The following GSPT2 variants were observed in gnomAD, a reference collection of about 807,000 sequenced individuals.
The protein encoded by GSPT2 is eukaryotic peptide chain release factor GTP-binding subunit ERF3B.
Under a neutral mutation model 24.6 loss-of-function variants are expected in GSPT2, and 2 were observed. The observed-to-expected ratio is 0.08, with a 90% confidence interval of 0.03 to 0.26. GSPT2 has a LOEUF of 0.26. Among genes scored for constraint, GSPT2 ranks in the 10% least tolerant of loss-of-function variants. The pLI is 1.00. For missense variants in GSPT2, 322 were observed against 489.6 expected (o/e 0.66, Z 3.23); for synonymous variants, 194 against 189.3 (o/e 1.02, Z -0.20).
At position 51,744,020 on chromosome X, in the gene GSPT2, C is replaced by A. The variant is rs782126539; in HGVS notation, c.394C>A (p.Leu132Ile). 3 of 1,208,502 alleles carry A rather than the reference C, an allele frequency of 2.5e-6. No homozygotes were observed. The highest frequency in any genetic ancestry group is 3.4e-6 in the Non-Finnish European group (3 of 894,530). ...EGSNSAVTME[L>I]SEPVVENGEV... ...TTCCAATTCAGCCGTTACCATGGAA[C>A]TTTCAGAACCTGTTGTAGAAAATGG... The change falls in exon 1 of 1, where the codon CTT becomes ATT. Residue 132 changes from leucine (L) to isoleucine (I), a missense_variant. By Grantham distance (5) the Leu-to-Ile change is conservative (BLOSUM62 2). This residue lies in a region of GSPT2 where 125 missense variants were observed against 121.3 expected (regional missense o/e 1.03). Transcript: ENST00000340438.
Position 51,743,705 on chromosome X carries a change from C to T in GSPT2, c.79C>T (p.Pro27Ser). 1 of 1,209,906 alleles carries T rather than the reference C, an allele frequency of 8.3e-7. No individual in the cohort carries two copies. Among genetic ancestry groups the T allele is most frequent in the Non-Finnish European group, 1.1e-6 (1 of 894,282 alleles). ...QVDMESPGSAPSGDGVSSAVA... is the reference protein window; with the variant it reads ...QVDMESPGSASSGDGVSSAVA... ...GGACATGGAATCCCCGGGGTCGGCC[C>T]CGAGCGGGGATGGAGTCTCCTCTGC... The change falls in exon 1 of 1, where the codon CCG (proline) becomes TCG (serine). Residue 27 changes from proline to serine, a missense_variant. Pro to Ser is a moderately conservative substitution (Grantham distance 74, BLOSUM62 -1). Transcript: ENST00000340438.
Position 51,744,125 on chromosome X carries a change from G to C in GSPT2, c.499G>C (p.Gly167Arg). ...SEAEPGGGSS[G>R]DSGPPEESGQ... ...AGCCGAGCCTGGGGGTGGTTCCTCG[G>C]GAGATTCAGGGCCCCCAGAAGAAAG... The change falls in exon 1 of 1, where the codon GGA becomes CGA. Residue 167 changes from glycine (G) to arginine (R), a missense_variant. By Grantham distance (125) the Gly-to-Arg change is moderately radical (BLOSUM62 -2). Around this residue, in one of 4 missense-constraint regions of GSPT2, gnomAD observed 72 missense variants for 121.5 expected, o/e 0.59. Coordinates refer to ENST00000340438, the MANE Select transcript of GSPT2 (RefSeq NM_018094.5). The C allele has an allele frequency of 8.3e-7, 1 of 1,209,704 alleles. No homozygotes were observed. The highest frequency in any genetic ancestry group is 1.1e-6 in the Non-Finnish European group (1 of 894,398).
Position 51,745,536 on chromosome X carries a change from A to C in GSPT2, c.*23A>C, listed in dbSNP as rs782241262. On this transcript the variant is annotated 3_prime_UTR_variant, in exon 1 of 1. Coordinates refer to ENST00000340438, the MANE Select transcript of GSPT2 (RefSeq NM_018094.5). ...TAAGCAATTTTCTTGATGCCTCTGC[A>C]AGATACTGTGAGGAGAATTGACAGC... 15 of 999,832 alleles carry C rather than the reference A, an allele frequency of 1.5e-5. No individual in the cohort carries two copies. The highest frequency in any genetic ancestry group is 2.1e-5 in the Non-Finnish European group (15 of 710,996). 82.4% of individuals were successfully genotyped at this position (999,832 alleles called of 1,213,427 possible). A position where few individuals can be genotyped will look rare whatever the true frequency, so the allele number is the denominator to read the frequency against.
rs868931621 is a variant in GSPT2 at position 51,743,835 on chromosome X, C to G, written c.209C>G (p.Pro70Arg). ...VPNVHAAEFVPSFLRGPTQPP... is the reference protein window; with the variant it reads ...VPNVHAAEFVRSFLRGPTQPP... ...AACGTACACGCCGCGGAGTTCGTGC[C>G]GTCCTTCCTGCGGGGCCCGACTCAG... Residue 70 changes from proline to arginine, a missense_variant, in exon 1 of 1, where the codon CCG becomes CGG. By Grantham distance (103) the Pro-to-Arg change is moderately radical. Around this residue, in one of 4 missense-constraint regions of GSPT2, gnomAD observed 125 missense variants for 121.3 expected, o/e 1.03. Coordinates refer to ENST00000340438, the MANE Select transcript of GSPT2 (RefSeq NM_018094.5). The G allele has an allele frequency of 8.3e-6, 10 of 1,209,958 alleles. No individual in the cohort carries two copies. The highest frequency in any genetic ancestry group is 2.3e-4 in the Middle Eastern group (1 of 4,353).
chrX:51,744,236 G>A lies in GSPT2; in HGVS notation c.610G>A (p.Val204Ile), dbSNP rs781925454. The change falls in exon 1 of 1, where the codon GTA becomes ATA. Residue 204 changes from valine (V) to isoleucine (I), a missense_variant. Physicochemically the swap from Val to Ile is conservative, Grantham distance 29. Around this residue, in one of 4 missense-constraint regions of GSPT2, gnomAD observed 72 missense variants for 121.5 expected, o/e 0.59. Transcript: ENST00000340438. ...CTCAGGTGCACCTAAGAAAGAACAC[G>A]TAAATGTAGTATTCATTGGCCATGT... ...VPSGAPKKEH[V>I]NVVFIGHVDA... 9.9e-6 allele frequency: 12 copies of A among 1,209,453 alleles called. No individual in the cohort carries two copies. Among genetic ancestry groups the A allele is most frequent in the Non-Finnish European group, 1.3e-5 (12 of 893,734 alleles).
Position 51,743,536 on chromosome X carries a change from T to G in GSPT2, c.-91T>G, listed in dbSNP as rs1923933478. ...GTTCGTGTCGCTACCCCTTGGCCCT[T>G]CGCTCTTGCTGCCTTAACCCCGCCG... On this transcript the variant is annotated 5_prime_UTR_variant, in exon 1 of 1. Transcript: ENST00000340438. The G allele has an allele frequency of 2.5e-6, 2 of 816,098 alleles. No homozygotes were observed. The highest frequency in any genetic ancestry group is 4.1e-5 in the African/African-American group (2 of 48,288). 67.3% of individuals were successfully genotyped at this position (816,098 alleles called of 1,213,427 possible). A position where few individuals can be genotyped will look rare whatever the true frequency, so the allele number is the denominator to read the frequency against.
In GSPT2 at chrX:51,745,262, C is replaced by T; in HGVS notation, c.1636C>T (p.His546Tyr). ...CPGYNAVLHI[H>Y]TCIEEVEITA... ...AGGTTATAATGCGGTGCTGCACATT[C>T]ATACTTGTATTGAGGAAGTTGAGAT... The change falls in exon 1 of 1, where the codon CAT (histidine) becomes TAT (tyrosine). Residue 546 changes from histidine (H) to tyrosine (Y), a missense_variant. Around this residue, in one of 4 missense-constraint regions of GSPT2, gnomAD observed 117 missense variants for 204.1 expected, o/e 0.57. Coordinates refer to ENST00000340438, the MANE Select transcript of GSPT2 (RefSeq NM_018094.5). 1 of 1,206,781 alleles carries T rather than the reference C, an allele frequency of 8.3e-7. No homozygotes were observed. The highest frequency in any genetic ancestry group is 1.1e-6 in the Non-Finnish European group (1 of 891,179).
At position 51,744,856 on chromosome X, in the gene GSPT2, A is replaced by T. The variant is rs1923963727; in HGVS notation, c.1230A>T (p.Gly410=). Residue 410 remains glycine (G), a synonymous_variant, in exon 1 of 1, where the codon GGA becomes GGT. Coordinates refer to ENST00000340438, the MANE Select transcript of GSPT2 (RefSeq NM_018094.5). Reference sequence around the variant, plus strand: ...CAGATTTCTGCCCTTGGTACACTGGATTACCATTTATTCCGTATTTGGATA... The same window carrying T: ...CAGATTTCTGCCCTTGGTACACTGGTTTACCATTTATTCCGTATTTGGATA... The part of the protein sequence containing the change: ...EQSDFCPWYT[G]LPFIPYLDNL... The T allele has an allele frequency of 1.7e-6, 2 of 1,207,497 alleles. No homozygotes were observed. Among genetic ancestry groups the T allele is most frequent in the African/African-American group, 3.5e-5 (2 of 57,013 alleles).
chrX:51,745,580 C>T lies in GSPT2; in HGVS notation c.*67C>T. The stretch of plus-strand genomic sequence containing the variant: ...TGACAGCAAAAGTTCACCACCTACT[C>T]TTATTTACTGCCCATTGATTGACTT... On this transcript the variant is annotated 3_prime_UTR_variant, in exon 1 of 1. Coordinates refer to ENST00000340438, the MANE Select transcript of GSPT2 (RefSeq NM_018094.5). 1.5e-6 allele frequency: 1 copy of T among 647,789 alleles called. No homozygotes were observed. The highest frequency in any genetic ancestry group is 2.4e-6 in the Non-Finnish European group (1 of 410,689). 53.4% of individuals were successfully genotyped at this position (647,789 alleles called of 1,213,427 possible).
Position 51,744,409 on chromosome X carries a change from G to A in GSPT2, c.783G>A (p.Glu261=), listed in dbSNP as rs1923957003. The stretch of plus-strand genomic sequence containing the variant: ...CCTGGGCCTTAGATACAAATCAGGA[G>A]GAACGAGACAAGGGTAAAACAGTCG... The part of the protein sequence containing the change: ...YLSWALDTNQ[E]ERDKGKTVEV... The change falls in exon 1 of 1, where the codon GAG becomes GAA. Residue 261 remains glutamate (E), a synonymous_variant. Coordinates refer to ENST00000340438, the MANE Select transcript of GSPT2 (RefSeq NM_018094.5). 1.7e-6 allele frequency: 2 copies of A among 1,209,690 alleles called. No individual in the cohort carries two copies. The highest frequency in any genetic ancestry group is 4.4e-5 in the Admixed American group (2 of 45,784).
At position 51,743,496 on chromosome X, in the gene GSPT2, C is replaced by T. The variant is rs1186687510; in HGVS notation, c.-131C>T. ...TGCAGCATCGGCGCTTAGCTGCCTC[C>T]GCGGTGCAGCTAAGGTTCGTGTCGC... On this transcript the variant is annotated 5_prime_UTR_variant, in exon 1 of 1. Transcript: ENST00000340438. 2.0e-5 allele frequency: 10 copies of T among 509,086 alleles called. No individual in the cohort carries two copies. Among genetic ancestry groups the T allele is most frequent in the African/African-American group, 1.7e-4 (7 of 41,467 alleles). 42.0% of individuals were successfully genotyped at this position (509,086 alleles called of 1,213,427 possible).
Position 51,743,975 on chromosome X carries a change from C to T in GSPT2, c.349C>T (p.Pro117Ser), listed in dbSNP as rs1923948908. The T allele has an allele frequency of 1.7e-6, 2 of 1,207,627 alleles. No individual in the cohort carries two copies. The highest frequency in any genetic ancestry group is 3.6e-5 in the South Asian group (2 of 56,147). ...GAPVEPSREE[P>S]LVSLEGSNSA... is the part of the protein sequence containing the mutation. ...ACCTGTGGAACCTTCCCGAGAGGAA[C>T]CGTTAGTGTCGCTTGAAGGTTCCAA... Residue 117 changes from proline (P) to serine (S), a missense_variant, in exon 1 of 1, where the codon CCG becomes TCG. By Grantham distance (74) the Pro-to-Ser change is moderately conservative. Transcript: ENST00000340438.
rs782657571 is a variant in GSPT2, at chrX:51,745,530, C to T, written c.*17C>T. 21 of 1,042,263 alleles carry T rather than the reference C, an allele frequency of 2.0e-5. No individual in the cohort carries two copies. Among genetic ancestry groups the T allele is most frequent in the Non-Finnish European group, 2.7e-5 (20 of 746,094 alleles). 85.9% of individuals were successfully genotyped at this position (1,042,263 alleles called of 1,213,427 possible). On this transcript the variant is annotated 3_prime_UTR_variant, in exon 1 of 1. Transcript: ENST00000340438. ...AAGGACTAAGCAATTTTCTTGATGC[C>T]TCTGCAAGATACTGTGAGGAGAATT...
In GSPT2 at chrX:51,744,706, C is replaced by T. The variant is rs1557348924; in HGVS notation, c.1080C>T (p.Ile360=). ...KMDDPTVNWS[I]ERYEECKEKL... is the part of the protein sequence containing the mutation. ...ATGATCCCACAGTAAATTGGAGCAT[C>T]GAGAGATATGAAGAATGTAAAGAAA... is the stretch of plus-strand genomic sequence containing the variant. The change falls in exon 1 of 1, where the codon ATC becomes ATT. Residue 360 remains isoleucine (I), a synonymous_variant. Coordinates refer to ENST00000340438, the MANE Select transcript of GSPT2 (RefSeq NM_018094.5). The T allele has an allele frequency of 1.7e-6, 2 of 1,209,124 alleles. No homozygotes were observed. Among genetic ancestry groups the T allele is most frequent in the Non-Finnish European group, 2.2e-6 (2 of 893,410 alleles).
chrX:51,743,766 C>T lies in GSPT2; in HGVS notation c.140C>T (p.Ala47Val). ...AEAQREPLSS[A>V]FSRKLNVNAK... is the part of the protein sequence containing the mutation. ...GCCCAGCGCGAGCCCCTCAGCTCGGCTTTCAGCCGTAAGCTCAACGTCAAC... is the reference window on the plus strand; with the variant it reads ...GCCCAGCGCGAGCCCCTCAGCTCGGTTTTCAGCCGTAAGCTCAACGTCAAC... The change falls in exon 1 of 1, where the codon GCT becomes GTT. Residue 47 changes from alanine (A) to valine (V), a missense_variant. By Grantham distance (64) the Ala-to-Val change is moderately conservative. Around this residue, in one of 4 missense-constraint regions of GSPT2, gnomAD observed 125 missense variants for 121.3 expected, o/e 1.03. Coordinates refer to ENST00000340438, the MANE Select transcript of GSPT2 (RefSeq NM_018094.5). 8.3e-7 allele frequency: 1 copy of T among 1,211,682 alleles called. No individual in the cohort carries two copies.
chrX:51,745,526 A>G lies in GSPT2; in HGVS notation c.*13A>G, dbSNP rs1923974647. 9.4e-7 allele frequency: 1 copy of G among 1,066,406 alleles called. No homozygotes were observed. The allele number at this position is 1,066,406 out of a possible 1,213,427, so 87.9% of individuals were successfully genotyped here. A position where few individuals can be genotyped will look rare whatever the true frequency, so the allele number is the denominator to read the frequency against. On this transcript the variant is annotated 3_prime_UTR_variant, in exon 1 of 1. Coordinates refer to ENST00000340438, the MANE Select transcript of GSPT2 (RefSeq NM_018094.5). Reference sequence around the variant, plus strand: ...AGAGAAGGACTAAGCAATTTTCTTGATGCCTCTGCAAGATACTGTGAGGAG... The same window carrying G: ...AGAGAAGGACTAAGCAATTTTCTTGGTGCCTCTGCAAGATACTGTGAGGAG...
At position 51,744,931 on chromosome X, in the gene GSPT2, T is replaced by C; in HGVS notation, c.1305T>C (p.Ile435=). The C allele has an allele frequency of 8.3e-7, 1 of 1,206,914 alleles. No individual in the cohort carries two copies. Among genetic ancestry groups the C allele is most frequent in the Middle Eastern group, 2.3e-4 (1 of 4,352 alleles). Residue 435 remains isoleucine (I), a synonymous_variant, in exon 1 of 1, where the codon ATT becomes ATC. Coordinates refer to ENST00000340438, the MANE Select transcript of GSPT2 (RefSeq NM_018094.5). ...RSIDGPIRLP[I]VDKYKDMGTV... ...TTGATGGACCAATAAGACTGCCAAT[T>C]GTGGATAAGTACAAAGATATGGGCA... is the stretch of plus-strand genomic sequence containing the variant.
Position 51,743,785 on chromosome X carries a change from C to A in GSPT2, c.159C>A (p.Asn53Lys), listed in dbSNP as rs781994793. The A allele has an allele frequency of 1.7e-6, 2 of 1,210,377 alleles. No homozygotes were observed. The highest frequency in any genetic ancestry group is 4.4e-5 in the Admixed American group (2 of 45,962). Residue 53 changes from asparagine to lysine, a missense_variant, in exon 1 of 1, where the codon AAC becomes AAA. By Grantham distance (94) the Asn-to-Lys change is moderately conservative. This residue lies in a region of GSPT2 where 125 missense variants were observed against 121.3 expected (regional missense o/e 1.03). Coordinates refer to ENST00000340438, the MANE Select transcript of GSPT2 (RefSeq NM_018094.5). Reference protein sequence around the residue: ...PLSSAFSRKLNVNAKPFVPNV... With the variant: ...PLSSAFSRKLKVNAKPFVPNV... ...GCTCGGCTTTCAGCCGTAAGCTCAA[C>A]GTCAACGCCAAGCCCTTCGTGCCTA...
At position 51,745,231 on chromosome X, in the gene GSPT2, C is replaced by T; in HGVS notation, c.1605C>T (p.Ile535=). 8.3e-7 allele frequency: 1 copy of T among 1,210,029 alleles called. No homozygotes were observed. Among genetic ancestry groups the T allele is most frequent in the African/African-American group, 1.7e-5 (1 of 57,756 alleles). The part of the protein sequence containing the change: ...QIVIIEHKSI[I]CPGYNAVLHI... The stretch of plus-strand genomic sequence containing the variant: ...TGATTATTGAGCACAAATCCATCAT[C>T]TGCCCAGGTTATAATGCGGTGCTGC... The change falls in exon 1 of 1, where the codon ATC becomes ATT. Residue 535 remains isoleucine (I), a synonymous_variant. Coordinates refer to ENST00000340438, the MANE Select transcript of GSPT2 (RefSeq NM_018094.5).
Sources: gnomAD v4.1 joint callset for allele counts on GRCh38, gnomAD v4.1.1 for gene constraint, gnomAD v4.1.1 regional missense constraint, MANE v1.5 for transcripts, NCBI Gene and HGNC (gene_info 2026-07-23, HGNC 2026-07-21) for gene names.